KIAA1328: variants seen among roughly 807,000 people sequenced by gnomAD.
KIAA1328 encodes KIAA1328, also known as protein hinderin.
KIAA1328 carries 52 observed loss-of-function variants against 68.1 expected under a neutral mutation model. The ratio of observed to expected loss-of-function variants is 0.76; its 90% CI spans 0.61 to 0.96. KIAA1328 has a LOEUF of 0.96. Among genes scored for constraint, KIAA1328 ranks in the 40% least tolerant of loss-of-function variants. The pLI is 0.00. For missense variants in KIAA1328, 641 were observed against 677.6 expected (o/e 0.95, Z 0.60); for synonymous variants, 232 against 239.4 (o/e 0.97, Z 0.28).
intron 4 of KIAA1328, among the ~76,000 whole-genome samples, chr18:36,851,695 C>T (rs1377318724): frequency 6.6e-6 from 1 of 151,716 alleles, no homozygotes. Context: ...CTCTTATTTT[C>T]TTCATAAGCC....
chr18:37,057,972 C>T (rs955108641), intron 6 of KIAA1328, among the ~76,000 whole-genome samples: 2 of 152,066 alleles, frequency 1.3e-5, no homozygotes, highest in Non-Finnish European at 2.9e-5. Context: ...AGGCGGTGAA[C>T]GAATTTACCA....
intron 7 of KIAA1328, among the ~76,000 whole-genome samples, chr18:37,148,155 G>A (rs943739647): frequency 2.0e-5 from 3 of 151,820 alleles, no homozygotes; most frequent in Non-Finnish European, 2.9e-5. Context: ...CAGGCCCCAC[G>A]GTGTGTTGTT....
intron 9 of KIAA1328, among the ~76,000 whole-genome samples, chr18:37,194,418 T>C (rs1263578219): frequency 6.6e-6 from 1 of 152,216 alleles, no homozygotes; most frequent in African/African-American, 2.4e-5. Context: ...GTTATTAGTC[T>C]TTTTCTTTTT....
chr18:37,090,220 C>G (rs1004660613), intron 7 of KIAA1328, among the ~76,000 whole-genome samples: 13 of 151,936 alleles, frequency 8.6e-5, no homozygotes, highest in Non-Finnish European at 1.5e-4. Flanking sequence ...TTCTTAATGC[C>G]TCACTTAAGT....
At chr18:36,998,284 T>C (rs1298162129) in intron 6 of KIAA1328, among the ~76,000 whole-genome samples, 1 of 152,148 alleles carries the variant, frequency 6.6e-6, no homozygotes, top group African/African-American at 2.4e-5. Context: ...GGTACCAACC[T>C]ATAAGCGCCA....
At chr18:37,138,948 C>CCTT (rs2058704264) in intron 7 of KIAA1328, among the ~76,000 whole-genome samples, 5 of 74,166 alleles carry the variant, frequency 6.7e-5, no homozygotes, top group African/African-American at 3.0e-4. Flanking sequence ...AAATTTTGTT[C>CCTT]TTTTTTTTTT....
rs1480974787 is a variant in KIAA1328 at position 37,216,979 on chromosome 18, GT to G, written c.1524-5028del. On this transcript the variant is annotated intron_variant, in intron 9 of 9. Coordinates refer to ENST00000280020, the MANE Select transcript of KIAA1328 (RefSeq NM_020776.3). ...GGATTGCAACCCCTGCTTTTTTTTT[GT>G]TTTTTTTTTGTTTGTTTTTTTTTTG... 1.5e-3 allele frequency among the ~76,000 whole-genome samples: 110 copies of G among 71,058 alleles called. 1 individual carries two copies. The highest frequency in any genetic ancestry group is 5.0e-3 in the African/African-American group (89 of 17,922). The allele number at this position is 71,058 out of a possible 152,430, so 46.6% of individuals were successfully genotyped here.
At chr18:37,157,977 T>C (rs540385591) in intron 7 of KIAA1328, among the ~76,000 whole-genome samples, 1 of 152,246 alleles carries the variant, frequency 6.6e-6, no homozygotes, top group African/African-American at 2.4e-5. Context: ...AAACAAATAT[T>C]CTCATGCTGT....
At chr18:37,051,974 G>A (rs1282302671) in intron 6 of KIAA1328, among the ~76,000 whole-genome samples, 1 of 151,890 alleles carries the variant, frequency 6.6e-6, no homozygotes, top group Non-Finnish European at 1.5e-5. Flanking sequence ...ACTAGGAGGT[G>A]GAGGTTGCAG....
intron 1 of KIAA1328, among the ~76,000 whole-genome samples, chr18:36,830,089 G>A (rs1375386939): frequency 6.6e-6 from 1 of 152,236 alleles, no homozygotes; most frequent in Non-Finnish European, 1.5e-5. Flanking sequence ...TGTTTGCTAG[G>A]ATTGGTGATG....
chr18:36,841,875 T>C (rs2046870517), intron 3 of KIAA1328, among the ~76,000 whole-genome samples: 1 of 152,232 alleles, frequency 6.6e-6, no homozygotes, highest in African/African-American at 2.4e-5. Context: ...CATATCCATT[T>C]GTATTGTGTG....
chr18:37,110,359 A>G (rs978072446), intron 7 of KIAA1328, among the ~76,000 whole-genome samples: 2 of 152,236 alleles, frequency 1.3e-5, no homozygotes, highest in Non-Finnish European at 2.9e-5. Flanking sequence ...AGCCAAAAGT[A>G]TTTTATCAAA....
chr18:37,187,937 C>G (rs1464102944), intron 9 of KIAA1328, among the ~76,000 whole-genome samples: 1 of 152,144 alleles, frequency 6.6e-6, no homozygotes, highest in Non-Finnish European at 1.5e-5. Flanking sequence ...ACATGACCTA[C>G]CAGATACTGA....
chr18:36,954,579 T>A (rs1031319289), intron 5 of KIAA1328: 1 of 152,176 alleles, frequency 6.6e-6, no homozygotes, highest in Non-Finnish European at 1.5e-5. Context: ...CCTTTAATGA[T>A]CTTTGCCTGA....
chr18:37,058,136 G>C, intron 6 of KIAA1328, among the ~76,000 whole-genome samples: 1 of 152,152 alleles, frequency 6.6e-6, no homozygotes, highest in East Asian at 1.9e-4. Context: ...GGCTACATGT[G>C]GAATGAGGTT....
chr18:37,075,803 C>A (rs1172841071), intron 7 of KIAA1328, among the ~76,000 whole-genome samples: 1 of 152,184 alleles, frequency 6.6e-6, no homozygotes, highest in African/African-American at 2.4e-5. Flanking sequence ...TATATATGCA[C>A]CCAATACAGG....
intron 6 of KIAA1328, among the ~76,000 whole-genome samples, chr18:37,019,588 AC>A (rs1235431022): frequency 1.4e-4 from 22 of 152,192 alleles, no homozygotes; most frequent in Admixed American, 1.4e-3. Context: ...GAACTGTGAA[AC>A]CTCCTTGGCT....
chr18:37,079,661 G>A (rs1299383267), intron 7 of KIAA1328, among the ~76,000 whole-genome samples: 1 of 151,948 alleles, frequency 6.6e-6, no homozygotes, highest in Non-Finnish European at 1.5e-5. Flanking sequence ...GGCCGAGGTG[G>A]TGGATCACCT....
chr18:37,225,301 A>C lies in KIAA1328; in HGVS notation c.*3074A>C. The stretch of plus-strand genomic sequence containing the variant: ...ATGTTTATGTACGTATGAGATTTCA[A>C]GTTAATAAATCATCTCTATGGCTAT... On this transcript the variant is annotated 3_prime_UTR_variant, in exon 10 of 10. Transcript: ENST00000280020. 1.0e-6 allele frequency: 1 copy of C among 985,432 alleles called. No individual in the cohort carries two copies. The highest frequency in any genetic ancestry group is 1.2e-6 in the Non-Finnish European group (1 of 829,914). The allele number at this position is 985,432 out of a possible 1,614,324, so 61.0% of individuals were successfully genotyped here. A position where few individuals can be genotyped will look rare whatever the true frequency, so the allele number is the denominator to read the frequency against.
Sources: gnomAD v4.1 joint callset for allele counts (sites outside exome capture counted in the v4.1 genomes callset) on GRCh38, gnomAD v4.1.1 for gene constraint, MANE v1.5 for transcripts, NCBI Gene and HGNC (gene_info 2026-07-23, HGNC 2026-07-21) for gene names.